Variants in CLEC12A observed in about 807,000 individuals in gnomAD.
CLEC12A encodes the protein C-type lectin protein CLL-1.
In CLEC12A, 22 loss-of-function variants were observed where a neutral mutation model predicts 26.5. The ratio of observed to expected loss-of-function variants is 0.83; its 90% CI spans 0.59 to 1.19. The LOEUF is 1.19. Among genes scored for constraint, CLEC12A ranks in the 50% most tolerant of loss-of-function variants. The pLI is 0.00. For synonymous variants in CLEC12A, 119 were observed against 101.9 expected (o/e 1.17, Z -1.01); for missense variants, 353 against 315.6 (o/e 1.12, Z -0.90).
At chr12:9,980,436 A>G in intron 3 of CLEC12A, 146 bp from the exon 4 acceptor site, 2 of 222,558 alleles carry the variant, frequency 9.0e-6, no homozygotes, top group Admixed American at 1.4e-4. Context: ...AGACTCTGTC[A>G]AAAAAAAAAA....
chr12:9,953,244 GCC>G (rs1189099721), intron 1 of CLEC12A: 1 of 93,240 alleles, frequency 1.1e-5, no homozygotes, highest in Admixed American at 1.1e-4. Context: ...GCCTCTGCCC[GCC>G]CCCCCCTACT....
intron 1 of CLEC12A, among the ~76,000 whole-genome samples, chr12:9,953,637 C>T (rs1240142041): frequency 2.0e-5 from 3 of 150,928 alleles, no homozygotes; most frequent in African/African-American, 7.3e-5. Flanking sequence ...AGGTGAGGGG[C>T]GCCTCTGCCC....
intron 1 of CLEC12A, among the ~76,000 whole-genome samples, chr12:9,957,959 C>G (rs1316441478): frequency 1.3e-5 from 2 of 152,166 alleles, no homozygotes; most frequent in African/African-American, 4.8e-5. Context: ...CCAAACCAAG[C>G]CTAGATGTGG....
chr12:9,996,771 C>CA (rs779661555), downstream of CLEC12A: 5 of 1,519,610 alleles, frequency 3.3e-6, no homozygotes, highest in Non-Finnish European at 3.6e-6. Flanking sequence ...ATGTAAAAAA[C>CA]AAAAAAAGGT....
At position 9,984,982 on chromosome 12, in the gene CLEC12A, G is replaced by C. The variant is rs763690867; in HGVS notation, c.754G>C (p.Ala252Pro). ...YKKRMICEKM[A>P]NPVQLGSTYF... ...AAAAAGAATGATATGTGAGAAGATGGCCAATCCAGTGCAGCTTGGTTCTAC... is the reference window on the plus strand; with the variant it reads ...AAAAAGAATGATATGTGAGAAGATGCCCAATCCAGTGCAGCTTGGTTCTAC... The change falls in exon 6 of 6, where the codon GCC becomes CCC. Residue 252 changes from alanine to proline, a missense_variant. Coordinates refer to ENST00000304361, the MANE Select transcript of CLEC12A (RefSeq NM_138337.6). The C allele has an allele frequency of 2.6e-6, 4 of 1,550,868 alleles. No individual in the cohort carries two copies. Among genetic ancestry groups the C allele is most frequent in the Middle Eastern group, 3.4e-4 (2 of 5,816 alleles).
chr12:9,981,475 A>C (rs1462173246), intron 4 of CLEC12A, among the ~76,000 whole-genome samples: 1 of 152,126 alleles, frequency 6.6e-6, no homozygotes, highest in Non-Finnish European at 1.5e-5. Flanking sequence ...AAATCAACCC[A>C]CAATCTCTTC....
downstream of CLEC12A, among the ~76,000 whole-genome samples, chr12:9,986,419 C>A (rs1259983100): frequency 2.2e-5 from 3 of 137,954 alleles, no homozygotes; most frequent in Non-Finnish European, 3.2e-5. Context: ...CTTTATCCCC[C>A]CCCCCCTTTT....
At chr12:9,969,584 C>T (rs1232822371), upstream of CLEC12A, among the ~76,000 whole-genome samples, 2 of 151,966 alleles carry the variant, frequency 1.3e-5, no homozygotes, top group Admixed American at 6.6e-5. Context: ...CATTTGTTTC[C>T]CTTTACAGTT....
chr12:9,960,607 A>G (rs1863812637), intron 1 of CLEC12A, among the ~76,000 whole-genome samples: 1 of 152,204 alleles, frequency 6.6e-6, no homozygotes, highest in Non-Finnish European at 1.5e-5. Flanking sequence ...AGGATCAATG[A>G]CCAGATTCTC....
Position 9,961,902 on chromosome 12 carries a change from C to T in CLEC12A, c.11-9675C>T, listed in dbSNP as rs377360417. 3.3e-5 allele frequency among the ~76,000 whole-genome samples: 5 copies of T among 152,210 alleles called. No individual in the cohort carries two copies. The East Asian group carries it at 5.8e-4, about 18-fold the overall frequency. ...TGACTGACTCTCATGTATAATATCCCTGGACACTATTGTCCTGAAGCTCTA... is the reference window on the plus strand; with the variant it reads ...TGACTGACTCTCATGTATAATATCCTTGGACACTATTGTCCTGAAGCTCTA... On this transcript the variant is annotated intron_variant, in intron 1 of 6. Transcript: ENST00000355690.
chr12:9,963,663 A>T (rs1462652425), intron 1 of CLEC12A, among the ~76,000 whole-genome samples: 1 of 152,196 alleles, frequency 6.6e-6, no homozygotes, highest in African/African-American at 2.4e-5. Context: ...AGGAGTAAGG[A>T]AAACTAGTGT....
Position 9,977,458 on chromosome 12 carries a change from C to A in CLEC12A, c.92-1508C>A, listed in dbSNP as rs544466844. On this transcript the variant is annotated intron_variant, in intron 1 of 5. Coordinates refer to ENST00000304361, the MANE Select transcript of CLEC12A (RefSeq NM_138337.6). ...AAAAGAAAACAAATAAAACCTTTAA[C>A]ATCATTTTTCACATTGGCCACAATT... Among the ~76,000 whole-genome samples, 225 of 152,290 alleles carry A rather than the reference C, an allele frequency of 1.5e-3. 1 individual carries two copies. The highest frequency in any genetic ancestry group is 5.1e-3 in the African/African-American group (214 of 41,566).
chr12:9,987,488 T>C (rs1007757399), downstream of CLEC12A, among the ~76,000 whole-genome samples: 13 of 152,244 alleles, frequency 8.5e-5, no homozygotes, highest in Admixed American at 8.5e-4. Flanking sequence ...TTGTCCTGAC[T>C]AGCGCTCTAG....
chr12:10,001,346 G>A, the CLEC12A span, among the ~76,000 whole-genome samples: 2 of 152,100 alleles, frequency 1.3e-5, no homozygotes, highest in Admixed American at 6.6e-5. Context: ...TTAACACTCC[G>A]CCTTTGAAGA....
At chr12:9,985,881 GA>G (rs1349372152), downstream of CLEC12A, 1 of 165,930 alleles carries the variant, frequency 6.0e-6, no homozygotes. Flanking sequence ...TAATCGTTTA[GA>G]AAGCAACTAA....
At position 9,978,134 on chromosome 12, in the gene CLEC12A, T is replaced by C. The variant is rs113614177; in HGVS notation, c.92-832T>C. 2.2e-3 allele frequency among the ~76,000 whole-genome samples: 332 copies of C among 152,300 alleles called. 3 individuals carry two copies. Among genetic ancestry groups the C allele is most frequent in the African/African-American group, 7.7e-3 (320 of 41,588 alleles). ...AGATGTAAGACATAGCTCAGAAGTA[T>C]AGTGAGATTATTATGGTATCCCTGA... On this transcript the variant is annotated intron_variant, in intron 1 of 5. Transcript: ENST00000304361.
In CLEC12A at chr12:9,985,350, A is replaced by G; in HGVS notation, c.*324A>G. ...CTTCCCCTTCTGGCCAAGATTTGCCAGAGGCAACATCAAAAACCAGCAAAT... is the reference window on the plus strand; with the variant it reads ...CTTCCCCTTCTGGCCAAGATTTGCCGGAGGCAACATCAAAAACCAGCAAAT... On this transcript the variant is annotated 3_prime_UTR_variant, in exon 6 of 6. Transcript: ENST00000304361. The G allele has an allele frequency of 2.5e-6, 1 of 398,938 alleles. No individual in the cohort carries two copies. The highest frequency in any genetic ancestry group is 2.1e-5 in the African/African-American group (1 of 48,728). The allele number at this position is 398,938 out of a possible 1,614,324, so 24.7% of individuals were successfully genotyped here. A position where few individuals can be genotyped will look rare whatever the true frequency, so the allele number is the denominator to read the frequency against.
At chr12:9,984,106 T>C (rs1003192758) in intron 5 of CLEC12A, 2 of 238,156 alleles carry the variant, frequency 8.4e-6, no homozygotes, top group Admixed American at 1.0e-4. Context: ...GTATGATATA[T>C]ATATGTGTGT....
intron 1 of CLEC12A, 37 bp downstream of exon 1, chr12:9,971,724 A>G (rs1321947765): frequency 6.3e-7 from 1 of 1,582,436 alleles, no homozygotes; most frequent in East Asian, 2.3e-5. Flanking sequence ...GTAAGTTTGT[A>G]TAATAGAAGT....
Sources: allele counts gnomAD v4.1 joint callset (sites outside exome capture counted in the v4.1 genomes callset), GRCh38; gene constraint gnomAD v4.1.1; transcripts MANE v1.5; gene names NCBI Gene and HGNC (gene_info 2026-07-23, HGNC 2026-07-21).